UBR2: variants seen among roughly 807,000 people sequenced by gnomAD.
UBR2 encodes the protein ubiquitin protein ligase E3 component n-recognin 2.
Under a neutral mutation model 247.9 loss-of-function variants are expected in UBR2, and 92 were observed. That is an observed-to-expected ratio of 0.37 (90% CI 0.31 to 0.44). The LOEUF is 0.44. UBR2 is among the 20% of genes least tolerant of loss of function. UBR2 has a pLI of 1.00. For missense variants in UBR2, 1,613 were observed against 2,112.6 expected (o/e 0.76, Z 4.64); for synonymous variants, 672 against 693.5 (o/e 0.97, Z 0.49).
At chr6:42,618,378 G>A (rs1238838315) in intron 11 of UBR2, among the ~76,000 whole-genome samples, 2 of 152,192 alleles carry the variant, frequency 1.3e-5, no homozygotes, top group Non-Finnish European at 2.9e-5. Flanking sequence ...GAAGATCCTT[G>A]AACCTGGAGT....
At chr6:42,660,410 C>T (rs184192278) in intron 30 of UBR2, among the ~76,000 whole-genome samples, 7 of 152,124 alleles carry the variant, frequency 4.6e-5, no homozygotes, top group Non-Finnish European at 5.9e-5. Context: ...CCAGTCCGCA[C>T]ATGATTTTGT....
At chr6:42,623,568 C>T (rs1023128449) in intron 11 of UBR2, among the ~76,000 whole-genome samples, 4 of 152,152 alleles carry the variant, frequency 2.6e-5, no homozygotes. Flanking sequence ...TCTTCTGCCT[C>T]AGCCTCCTGA....
Position 42,670,160 on chromosome 6 carries a change from T to C in UBR2, c.3950T>C (p.Leu1317Pro). 1 of 1,614,202 alleles carries C rather than the reference T, an allele frequency of 6.2e-7. No individual in the cohort carries two copies. Among genetic ancestry groups the C allele is most frequent in the Non-Finnish European group, 8.5e-7 (1 of 1,180,016 alleles). The change falls in exon 35 of 47, where the codon CTA (leucine) becomes CCA (proline). Residue 1317 changes from leucine to proline, a missense_variant. Coordinates refer to ENST00000372901, the MANE Select transcript of UBR2 (RefSeq NM_001363705.2). ...GGAACTGCTACCTACAAGGTGGGAC[T>C]AAAGGTTCATCCCAATGAAGAGGAT... Reference protein sequence around the residue: ...TFGTATYKVGLKVHPNEEDPR... With the variant: ...TFGTATYKVGPKVHPNEEDPR...
intron 35 of UBR2, 113 bp from the exon 36 acceptor site, chr6:42,670,547 C>A: frequency 1.3e-6 from 1 of 779,172 alleles, no homozygotes; most frequent in Non-Finnish European, 1.9e-6. Context: ...GATTCTGAAA[C>A]TTGACAATAT....
At position 42,692,234 on chromosome 6, in the gene UBR2, C is replaced by T. The variant is rs1799786406; in HGVS notation, c.*1061C>T. 1.3e-5 allele frequency: 2 copies of T among 152,098 alleles called. No homozygotes were observed. The highest frequency in any genetic ancestry group is 2.9e-5 in the Non-Finnish European group (2 of 68,010). The allele number at this position is 152,098 out of a possible 1,614,324, so 9.4% of individuals were successfully genotyped here. ...CTTGTTATTTCTAAGGCTAAATTGG[C>T]AGAGTATATCATCTAAAGCCAAACA... On this transcript the variant is annotated 3_prime_UTR_variant, in exon 47 of 47. Transcript: ENST00000372901.
chr6:42,578,075 C>T (rs1791639674), intron 2 of UBR2, among the ~76,000 whole-genome samples: 1 of 152,018 alleles, frequency 6.6e-6, no homozygotes, highest in African/African-American at 2.4e-5. Context: ...ATGTTTTAAC[C>T]CTGATTCTGT....
chr6:42,612,280 T>C lies in UBR2; in HGVS notation c.974T>C (p.Ile325Thr). ...LKLLSWLGSI[I>T]GYSDGLRRIL... ...CTTTTGTCTTGGCTGGGAAGTATTA[T>C]TGGATATTCAGGTAGGTTCATAAAA... The change falls in exon 8 of 47, where the codon ATT becomes ACT. Residue 325 changes from isoleucine to threonine, a missense_variant. By Grantham distance (89) the Ile-to-Thr change is moderately conservative (BLOSUM62 -1). Coordinates refer to ENST00000372901, the MANE Select transcript of UBR2 (RefSeq NM_001363705.2). 6.6e-7 allele frequency: 1 copy of C among 1,515,526 alleles called. No homozygotes were observed. Among genetic ancestry groups the C allele is most frequent in the Non-Finnish European group, 9.0e-7 (1 of 1,111,832 alleles). 93.9% of individuals were successfully genotyped at this position (1,515,526 alleles called of 1,614,324 possible).
rs6917033 is a variant in UBR2, at chr6:42,659,696, G to A, written c.3283G>A (p.Ala1095Thr). Residue 1095 changes from alanine (A) to threonine (T), a missense_variant, in exon 30 of 47, where the codon GCA becomes ACA. Transcript: ENST00000372901. This position sits in a 1 kb window ranked among gnomAD's most constrained non-coding sequence, Gnocchi z 4.3. ...SDMTLTALGP[A>T]QTQVPEQRQF... is the part of the protein sequence containing the mutation. ...TATGACACTTACAGCACTGGGCCCC[G>A]CACAAACTCAGGTTCCTGAACAAAG... 0.4 allele frequency: 639,630 copies of A among 1,610,270 alleles called. 128,438 individuals are homozygous for A. The highest frequency in any genetic ancestry group is 0.49 in the African/African-American group (36,322 of 74,756).
At chr6:42,621,611 C>T (rs912715985) in intron 11 of UBR2, among the ~76,000 whole-genome samples, 16 of 151,820 alleles carry the variant, frequency 1.1e-4, no homozygotes, top group South Asian at 2.1e-4. Context: ...TATAGGCATG[C>T]GCCACCACAC....
chr6:42,684,037 A>C (rs148198169), intron 43 of UBR2, among the ~76,000 whole-genome samples: 20 of 152,364 alleles, frequency 1.3e-4, no homozygotes, highest in African/African-American at 4.1e-4. Context: ...TTTGGACCAC[A>C]TGAAATGTCA....
chr6:42,602,203 CTT>C (rs1793426516), intron 4 of UBR2, among the ~76,000 whole-genome samples: 1 of 136,892 alleles, frequency 7.3e-6, no homozygotes, highest in African/African-American at 2.7e-5. Flanking sequence ...TTTTTTTCTT[CTT>C]TTCTTTTCTT....
rs759538156 is a variant in UBR2 at position 42,617,508 on chromosome 6, G to T, written c.1281+1G>T. 19 of 1,550,916 alleles carry T rather than the reference G, an allele frequency of 1.2e-5. No homozygotes were observed. Among genetic ancestry groups the T allele is most frequent in the Non-Finnish European group, 1.6e-5 (18 of 1,146,898 alleles). Reference sequence around the variant, plus strand: ...TCAGATATTCACGGTTCCTTCACTTGTAAGTACTGAAAGACTAGAAGAACT... The same window carrying T: ...TCAGATATTCACGGTTCCTTCACTTTTAAGTACTGAAAGACTAGAAGAACT... On this transcript the variant is annotated splice_donor_variant, in intron 11 of 46. Transcript: ENST00000372901. LOFTEE classifies it high-confidence loss of function.
chr6:42,665,456 C>T lies in UBR2; in HGVS notation c.3746C>T (p.Thr1249Ile), dbSNP rs748947565. 1 of 1,613,222 alleles carries T rather than the reference C, an allele frequency of 6.2e-7. No individual in the cohort carries two copies. The highest frequency in any genetic ancestry group is 1.1e-5 in the South Asian group (1 of 90,980). The change falls in exon 33 of 47, where the codon ACA becomes ATA. Residue 1249 changes from threonine to isoleucine, a missense_variant. By Grantham distance (89) the Thr-to-Ile change is moderately conservative. Around this residue, in one of 3 missense-constraint regions of UBR2, gnomAD observed 1,524 missense variants for 1,967.3 expected, o/e 0.77. Transcript: ENST00000372901. Reference protein sequence around the residue: ...DQPNLTQWIRTISQQIKALQF... With the variant: ...DQPNLTQWIRIISQQIKALQF... ...CCAAATCTGACTCAGTGGATTAGAACAATATCTCAGCAAATAAAAGCATTA... is the reference window on the plus strand; with the variant it reads ...CCAAATCTGACTCAGTGGATTAGAATAATATCTCAGCAAATAAAAGCATTA...
At chr6:42,632,958 C>CTTTTTTTTTTTTTTTTTTTTT (rs34284200) in intron 13 of UBR2, 54 bp downstream of exon 13, 17 of 647,118 alleles carry the variant, frequency 2.6e-5, no homozygotes, top group African/African-American at 1.0e-4. Context: ...TCTCTTTTCT[C>CTTTTTTTTTTTTTTTTTTTTT]TTTTTTTTTT....
intron 34 of UBR2, among the ~76,000 whole-genome samples, chr6:42,669,474 T>C (rs1798310132): frequency 6.6e-6 from 1 of 152,222 alleles, no homozygotes; most frequent in Admixed American, 6.5e-5. Context: ...CCTCTTGAAC[T>C]GATAACCTAA....
At chr6:42,655,755 A>C in intron 26 of UBR2, 32 bp downstream of exon 26, 2 of 1,274,342 alleles carry the variant, frequency 1.6e-6, no homozygotes, top group Non-Finnish European at 2.2e-6. Flanking sequence ...AAACTAACTC[A>C]AGATATAAAT....
chr6:42,686,750 G>GC (rs1022147958), intron 44 of UBR2, among the ~76,000 whole-genome samples: 3 of 151,078 alleles, frequency 2.0e-5, no homozygotes, highest in Non-Finnish European at 4.4e-5. Flanking sequence ...GGTAGGGGCT[G>GC]CCCCCCACCT....
rs1799842614 is a variant in UBR2 at position 42,693,365 on chromosome 6, G to A, written c.*2192G>A. The A allele has an allele frequency of 6.6e-6, 1 of 152,108 alleles. No individual in the cohort carries two copies. The highest frequency in any genetic ancestry group is 2.4e-5 in the African/African-American group (1 of 41,420). 9.4% of individuals were successfully genotyped at this position (152,108 alleles called of 1,614,324 possible). On this transcript the variant is annotated 3_prime_UTR_variant, in exon 47 of 47. Transcript: ENST00000372901. ...TTGTAGAAATGTTTATATAACATAC[G>A]CTTTCCATATCAGGGAAAATCATAT...
chr6:42,665,767 G>A (rs1798070680), intron 33 of UBR2, among the ~76,000 whole-genome samples: 1 of 149,754 alleles, frequency 6.7e-6, no homozygotes, highest in Admixed American at 6.7e-5. Flanking sequence ...TGGAGGTGGG[G>A]GAGATGTAAC....
Sources: allele counts gnomAD v4.1 joint callset (sites outside exome capture counted in the v4.1 genomes callset), GRCh38; gene constraint gnomAD v4.1.1; regional missense constraint gnomAD v4.1.1; non-coding constraint Gnocchi (gnomAD v3.1); transcripts MANE v1.5; gene names NCBI Gene and HGNC (gene_info 2026-07-23, HGNC 2026-07-21).